ZBTB7C: variants seen among roughly 807,000 people sequenced by gnomAD.
ZBTB7C encodes the protein zinc finger and BTB domain containing 7C.
ZBTB7C carries 8 observed loss-of-function variants against 25.7 expected under a neutral mutation model. That is an observed-to-expected ratio of 0.31 (90% CI 0.18 to 0.56). ZBTB7C has a LOEUF of 0.56. Ranked by LOEUF, ZBTB7C falls within the 20% of genes least tolerant of loss-of-function variation. The probability of loss-of-function intolerance (pLI) is 0.91; values close to 1 mark genes in which losing one functional copy is unlikely to be tolerated. For synonymous variants in ZBTB7C, 394 were observed against 369.0 expected (o/e 1.07, Z -0.78); for missense variants, 824 against 855.2 (o/e 0.96, Z 0.46).
intron 2 of ZBTB7C, among the ~76,000 whole-genome samples, chr18:48,313,596 A>AG (rs1466357017): frequency 6.6e-6 from 1 of 152,168 alleles, no homozygotes; most frequent in Non-Finnish European, 1.5e-5. Flanking sequence ...GGAGCTTGCT[A>AG]GAAATGTAGA....
chr18:48,274,570 T>C (rs1295536519), intron 2 of ZBTB7C, among the ~76,000 whole-genome samples: 1 of 152,178 alleles, frequency 6.6e-6, no homozygotes, highest in Non-Finnish European at 1.5e-5. Flanking sequence ...TTTTCATAAA[T>C]GCTGCATTGA....
At chr18:48,293,536 A>G (rs1196534192) in intron 2 of ZBTB7C, among the ~76,000 whole-genome samples, 1 of 152,146 alleles carries the variant, frequency 6.6e-6, no homozygotes, top group African/African-American at 2.4e-5. Flanking sequence ...TTTTGACACA[A>G]TTTAAATCTG....
At chr18:48,336,247 G>T (rs2046454706) in intron 2 of ZBTB7C, among the ~76,000 whole-genome samples, 2 of 152,088 alleles carry the variant, frequency 1.3e-5, no homozygotes, top group Admixed American at 6.6e-5. Context: ...CAAAGCCCAG[G>T]CCCCCAACCC....
intron 3 of ZBTB7C, among the ~76,000 whole-genome samples, chr18:48,117,937 T>C (rs1392662527): frequency 6.6e-6 from 1 of 152,042 alleles, no homozygotes; most frequent in African/African-American, 2.4e-5. Flanking sequence ...AAAAAAGGCA[T>C]CTTGGAGCTT....
chr18:48,135,834 G>T (rs754331271), intron 3 of ZBTB7C, among the ~76,000 whole-genome samples: 1 of 152,206 alleles, frequency 6.6e-6, no homozygotes, highest in South Asian at 2.1e-4. Flanking sequence ...TCAAAATTCC[G>T]CATTTAGAAG....
At chr18:48,257,573 G>A (rs897111302) in intron 2 of ZBTB7C, among the ~76,000 whole-genome samples, 1 of 152,056 alleles carries the variant, frequency 6.6e-6, no homozygotes, top group Admixed American at 6.6e-5. Flanking sequence ...GCATTACCCT[G>A]ATACCAAAAC....
intron 2 of ZBTB7C, among the ~76,000 whole-genome samples, chr18:48,270,946 G>A (rs2044469145): frequency 1.3e-5 from 2 of 151,872 alleles, no homozygotes; most frequent in South Asian, 4.2e-4. Flanking sequence ...CAAAACAGTA[G>A]ATATTTCTTA....
chr18:48,334,538 A>G (rs1386509976), intron 2 of ZBTB7C, among the ~76,000 whole-genome samples: 1 of 152,196 alleles, frequency 6.6e-6, no homozygotes, highest in Admixed American at 6.5e-5. Context: ...GGACCTTCAC[A>G]TACACTATCT....
intron 2 of ZBTB7C, among the ~76,000 whole-genome samples, chr18:48,326,523 C>T (rs2144883587): frequency 6.6e-6 from 1 of 151,996 alleles, no homozygotes; most frequent in African/African-American, 2.4e-5. Context: ...TGGAAATGAC[C>T]CAAGTCGGTC....
chr18:48,206,137 A>C (rs1425598739), intron 2 of ZBTB7C, among the ~76,000 whole-genome samples: 1 of 152,254 alleles, frequency 6.6e-6, no homozygotes, highest in Admixed American at 6.5e-5. Context: ...TATAATACCC[A>C]GGTCAATAAT....
At chr18:48,187,040 G>T (rs1172155559) in intron 2 of ZBTB7C, among the ~76,000 whole-genome samples, 1 of 152,164 alleles carries the variant, frequency 6.6e-6, no homozygotes, top group Non-Finnish European at 1.5e-5. Context: ...GGTGCGAGAG[G>T]CCAGCTTTGA....
chr18:48,383,121 A>G (rs545381735), intron 1 of ZBTB7C, among the ~76,000 whole-genome samples: 4 of 152,270 alleles, frequency 2.6e-5, no homozygotes, highest in African/African-American at 9.6e-5. Flanking sequence ...CATGAGTCCA[A>G]TTGTCAGCCC....
chr18:48,043,800 CAAAAG>C (rs1300957247), intron 3 of ZBTB7C, among the ~76,000 whole-genome samples: 2 of 152,148 alleles, frequency 1.3e-5, no homozygotes, highest in South Asian at 2.1e-4. Context: ...ATAAGTATCT[CAAAAG>C]AAAAAGTCTA....
At chr18:48,387,844 T>A (rs78383907) in intron 1 of ZBTB7C, among the ~76,000 whole-genome samples, 2 of 147,380 alleles carry the variant, frequency 1.4e-5, no homozygotes, top group East Asian at 3.9e-4. Flanking sequence ...TTGTTGTTGT[T>A]GTTTGTTTGT....
At chr18:48,080,798 A>G (rs1474762539) in intron 3 of ZBTB7C, among the ~76,000 whole-genome samples, 1 of 152,180 alleles carries the variant, frequency 6.6e-6, no homozygotes, top group Non-Finnish European at 1.5e-5. Context: ...AGAGCCCATG[A>G]GGCCAGGCAA....
chr18:48,180,692 G>A (rs570784671), intron 3 of ZBTB7C, among the ~76,000 whole-genome samples: 6 of 152,216 alleles, frequency 3.9e-5, no homozygotes, highest in Admixed American at 1.3e-4. Context: ...ACACTTTTAC[G>A]GGATCCATGG....
intron 3 of ZBTB7C, among the ~76,000 whole-genome samples, chr18:48,141,145 C>CCT (rs2040334038): frequency 8.1e-6 from 1 of 124,178 alleles, no homozygotes; most frequent in African/African-American, 3.2e-5. Context: ...CCCCCCGCAC[C>CCT]ACCCCCCCCA....
At chr18:48,095,762 G>C (rs1448634394) in intron 3 of ZBTB7C, among the ~76,000 whole-genome samples, 1 of 138,056 alleles carries the variant, frequency 7.2e-6, no homozygotes, top group Non-Finnish European at 1.6e-5. Context: ...TATTGGGTGA[G>C]AGAATGGATG....
chr18:48,180,982 GTTAC>G (rs2041904331), intron 3 of ZBTB7C, among the ~76,000 whole-genome samples: 1 of 151,866 alleles, frequency 6.6e-6, no homozygotes, highest in Non-Finnish European at 1.5e-5. Flanking sequence ...CCTTGGACAA[GTTAC>G]TTAACCTCAC....
Sources: gnomAD v4.1 joint callset for allele counts (sites outside exome capture counted in the v4.1 genomes callset) on GRCh38, gnomAD v4.1.1 for gene constraint, MANE v1.5 for transcripts, NCBI Gene and HGNC (gene_info 2026-07-23, HGNC 2026-07-21) for gene names.